PDE7B: variants seen among roughly 807,000 people sequenced by gnomAD.
PDE7B encodes phosphodiesterase 7B, also known as 3',5'-cyclic-AMP phosphodiesterase 7B.
In PDE7B, 29 loss-of-function variants were observed where a neutral mutation model predicts 56.2. The ratio of observed to expected loss-of-function variants is 0.52; its 90% CI spans 0.38 to 0.70. The LOEUF (loss-of-function observed/expected upper bound fraction) is 0.70, where lower values mean the gene tolerates loss of function less well. PDE7B is among the 30% of genes least tolerant of loss of function. The pLI, the probability that PDE7B is intolerant of heterozygous loss-of-function variation, is 0.00. For missense variants in PDE7B, 490 were observed against 565.0 expected (o/e 0.87, Z 1.35); for synonymous variants, 197 against 196.9 (o/e 1.00, Z 0.00).
intron 1 of PDE7B, among the ~76,000 whole-genome samples, chr6:135,931,951 GCGCACACACA>G (rs148927685): frequency 0.21 from 29,779 of 142,308 alleles, 3,284 homozygotes; most frequent in South Asian, 0.28. Context: ...ACACACGCGC[GCGCACACACA>G]CACACACACA....
At position 135,979,519 on chromosome 6, in the gene PDE7B, G is replaced by T. The variant is rs1301105560; in HGVS notation, c.82+31995G>T. Among the ~76,000 whole-genome samples the T allele has an allele frequency of 5.3e-3, 802 of 151,434 alleles. 5 individuals are homozygous for T. Among genetic ancestry groups the T allele is most frequent in the African/African-American group, 0.018 (758 of 41,054 alleles). Reference sequence around the variant, plus strand: ...ATCCATCTGGTCCTGGACTCTTTTTGGTTGGTAAGCTATTGATTATTGCCA... The same window carrying T: ...ATCCATCTGGTCCTGGACTCTTTTTTGTTGGTAAGCTATTGATTATTGCCA... On this transcript the variant is annotated intron_variant, in intron 2 of 12. Coordinates refer to ENST00000308191, the MANE Select transcript of PDE7B (RefSeq NM_018945.4).
intron 8 of PDE7B, among the ~76,000 whole-genome samples, chr6:136,162,778 G>C (rs780643997): frequency 6.6e-6 from 1 of 152,136 alleles, no homozygotes; most frequent in Non-Finnish European, 1.5e-5. Flanking sequence ...ATTCCAAATG[G>C]GAGAAATTGG....
At chr6:136,118,712 ACTC>A (rs1277795027) in intron 3 of PDE7B, among the ~76,000 whole-genome samples, 1 of 152,058 alleles carries the variant, frequency 6.6e-6, no homozygotes, top group African/African-American at 2.4e-5. Context: ...GATGCAGTAT[ACTC>A]CTTTTACAAT....
At chr6:136,090,177 T>C (rs764445206) in intron 2 of PDE7B, among the ~76,000 whole-genome samples, 3 of 152,126 alleles carry the variant, frequency 2.0e-5, no homozygotes, top group Non-Finnish European at 4.4e-5. Flanking sequence ...CTTCTTCCAT[T>C]GGGTGGGGTA....
chr6:136,071,461 G>T (rs1414162265), intron 2 of PDE7B, among the ~76,000 whole-genome samples: 2 of 152,096 alleles, frequency 1.3e-5, no homozygotes, highest in African/African-American at 4.8e-5. Context: ...AAGTAAACTG[G>T]AAACACACAC....
chr6:135,892,306 G>T (rs1288649010), intron 1 of PDE7B, among the ~76,000 whole-genome samples: 2 of 152,074 alleles, frequency 1.3e-5, no homozygotes, highest in African/African-American at 4.8e-5. Context: ...AACTAATCCA[G>T]ACTAACAAAA....
chr6:135,917,453 T>C (rs1344790281), intron 1 of PDE7B, among the ~76,000 whole-genome samples: 2 of 152,194 alleles, frequency 1.3e-5, no homozygotes, highest in Non-Finnish European at 2.9e-5. Flanking sequence ...GGTTGTGTTT[T>C]ACAGTTTCCA....
At chr6:136,151,287 T>C (rs770286300) in intron 6 of PDE7B, 32 bp downstream of exon 6, 1 of 1,122,292 alleles carries the variant, frequency 8.9e-7, no homozygotes, top group South Asian at 1.2e-5. Context: ...TCTAGCCCCA[T>C]TCTCTTGAAT....
chr6:136,191,901 G>T lies in PDE7B; in HGVS notation c.*61G>T, dbSNP rs1242612277. ...AGGGCCCCCAGAGGGCAGAAGCAGC[G>T]TGGAGGGGCCCTCACGCAGCAGCCC... On this transcript the variant is annotated 3_prime_UTR_variant, in exon 13 of 13. Transcript: ENST00000308191. 3.9e-6 allele frequency: 5 copies of T among 1,290,746 alleles called. No individual in the cohort carries two copies. Among genetic ancestry groups the T allele is most frequent in the Non-Finnish European group, 5.4e-6 (5 of 921,486 alleles). 80.0% of individuals were successfully genotyped at this position (1,290,746 alleles called of 1,614,324 possible).
intron 1 of PDE7B, among the ~76,000 whole-genome samples, chr6:135,887,321 C>A (rs897449679): frequency 6.6e-6 from 1 of 152,084 alleles, no homozygotes; most frequent in African/African-American, 2.4e-5. Context: ...TTATACTGTG[C>A]AAGACCTTTT....
intron 2 of PDE7B, among the ~76,000 whole-genome samples, chr6:135,972,531 T>C (rs1775111579): frequency 6.6e-6 from 1 of 152,178 alleles, no homozygotes; most frequent in Non-Finnish European, 1.5e-5. Context: ...TTGAAGTTAG[T>C]GTGTTTATTT....
chr6:135,855,303 C>T (rs1223082281), intron 1 of PDE7B, among the ~76,000 whole-genome samples: 4 of 152,048 alleles, frequency 2.6e-5, no homozygotes, highest in Admixed American at 2.6e-4. Context: ...AGGGCTGTGC[C>T]TGTGAATAAG....
At chr6:136,006,104 G>A (rs375448525) in intron 2 of PDE7B, among the ~76,000 whole-genome samples, 5 of 148,290 alleles carry the variant, frequency 3.4e-5, no homozygotes, top group Non-Finnish European at 7.4e-5. Flanking sequence ...CTATCACAAG[G>A]ACAAAAAACC....
At chr6:135,980,051 C>T (rs1270625635) in intron 2 of PDE7B, among the ~76,000 whole-genome samples, 1 of 152,094 alleles carries the variant, frequency 6.6e-6, no homozygotes, top group Non-Finnish European at 1.5e-5. Flanking sequence ...TACTACAAGG[C>T]TACAGTAACC....
At position 135,881,869 on chromosome 6, in the gene PDE7B, C is replaced by T. The variant is rs562659271; in HGVS notation, c.21+29850C>T. 2.3e-4 allele frequency among the ~76,000 whole-genome samples: 35 copies of T among 152,122 alleles called. No individual in the cohort carries two copies. The South Asian group carries it at 7.1e-3, about 31-fold the overall frequency. Reference sequence around the variant, plus strand: ...TAACTGTACAATTATATTTGTTACACATTATTTAAAAAAAAACAGACTTGA... The same window carrying T: ...TAACTGTACAATTATATTTGTTACATATTATTTAAAAAAAAACAGACTTGA... On this transcript the variant is annotated intron_variant, in intron 1 of 12. Coordinates refer to ENST00000308191, the MANE Select transcript of PDE7B (RefSeq NM_018945.4).
At chr6:136,162,112 T>C (rs984395317) in intron 8 of PDE7B, 2 of 152,148 alleles carry the variant, frequency 1.3e-5, no homozygotes, top group Admixed American at 1.3e-4. Flanking sequence ...CAGACACATG[T>C]CTGACTCATT....
intron 1 of PDE7B, among the ~76,000 whole-genome samples, chr6:135,924,755 G>GT (rs1774154512): frequency 6.8e-6 from 1 of 148,016 alleles, no homozygotes; most frequent in Admixed American, 6.8e-5. Flanking sequence ...GTACTATATA[G>GT]TTTTTAATGT....
intron 2 of PDE7B, among the ~76,000 whole-genome samples, chr6:135,979,960 CA>C (rs934286280): frequency 2.0e-5 from 3 of 152,002 alleles, no homozygotes; most frequent in South Asian, 2.1e-4. Context: ...CATATGGAAC[CA>C]AAAAAGAGCC....
chr6:135,914,257 C>T (rs951640919), intron 1 of PDE7B, among the ~76,000 whole-genome samples: 2 of 151,838 alleles, frequency 1.3e-5, no homozygotes, highest in Non-Finnish European at 2.9e-5. Context: ...CTTTTAAATT[C>T]CTTGAGTTTT....
Sources: gnomAD v4.1 joint callset for allele counts (sites outside exome capture counted in the v4.1 genomes callset) on GRCh38, gnomAD v4.1.1 for gene constraint, MANE v1.5 for transcripts, NCBI Gene and HGNC (gene_info 2026-07-23, HGNC 2026-07-21) for gene names.